Variants in IMPG2 observed in about 807,000 individuals in gnomAD.
The protein encoded by IMPG2 is interphotoreceptor matrix proteoglycan 2.
Under a neutral mutation model 129.2 loss-of-function variants are expected in IMPG2, and 91 were observed. The observed-to-expected ratio is 0.70, with a 90% CI of 0.59 to 0.84. IMPG2 has a LOEUF of 0.84. Among genes scored for constraint, IMPG2 ranks in the 40% least tolerant of loss-of-function variants. The pLI is 0.00. For missense variants in IMPG2, 1,430 were observed against 1,461.7 expected (o/e 0.98, Z 0.35); for synonymous variants, 510 against 517.7 (o/e 0.99, Z 0.20).
intron 8 of IMPG2, 60 bp from the exon 9 acceptor site, chr3:101,267,591 T>C: frequency 7.5e-7 from 1 of 1,332,324 alleles, no homozygotes; most frequent in South Asian, 1.2e-5. Context: ...TGTCACATCA[T>C]TCATCAAAGT....
chr3:101,267,182 T>G (rs940115018), intron 9 of IMPG2, among the ~76,000 whole-genome samples: 2 of 152,224 alleles, frequency 1.3e-5, no homozygotes, highest in African/African-American at 4.8e-5. Flanking sequence ...AACAATATTT[T>G]GTGACATGTG....
intron 15 of IMPG2, 96 bp downstream of exon 15, chr3:101,232,673 TCTATAATGCATA>T: frequency 1.1e-6 from 1 of 912,616 alleles, no homozygotes; most frequent in Non-Finnish European, 1.7e-6. Context: ...AGATATAACT[TCTATAATGCATA>T]CTATAATAAG....
intron 17 of IMPG2, 58 bp downstream of exon 17, chr3:101,229,317 CCTGCT>C: frequency 8.9e-7 from 1 of 1,119,434 alleles, no homozygotes; most frequent in Non-Finnish European, 1.3e-6. Flanking sequence ...CCCACCACCC[CCTGCT>C]CCCCCACACA....
intron 13 of IMPG2, 50 bp downstream of exon 13, chr3:101,243,479 G>T: frequency 6.6e-7 from 1 of 1,521,162 alleles, no homozygotes; most frequent in Non-Finnish European, 9.1e-7. Context: ...AGGAGGAGTC[G>T]GTCATACATG....
At chr3:101,251,113 T>C (rs1706539441) in intron 11 of IMPG2, among the ~76,000 whole-genome samples, 1 of 152,144 alleles carries the variant, frequency 6.6e-6, no homozygotes, top group Non-Finnish European at 1.5e-5. Context: ...GCTTAAGCCC[T>C]TCAAGCCATG....
chr3:101,304,347 T>A (rs144876572), intron 2 of IMPG2, 35 bp from the exon 3 acceptor site: 1 of 1,587,790 alleles, frequency 6.3e-7, no homozygotes, highest in Non-Finnish European at 8.6e-7. Flanking sequence ...TACAAAAAGC[T>A]AACATGCTCT....
intron 11 of IMPG2, among the ~76,000 whole-genome samples, chr3:101,251,627 C>T (rs920436415): frequency 5.9e-5 from 9 of 152,154 alleles, no homozygotes; most frequent in Non-Finnish European, 1.3e-4. Flanking sequence ...AAAGAAAGCA[C>T]ACTGTACAAG....
intron 4 of IMPG2, among the ~76,000 whole-genome samples, chr3:101,278,647 G>C (rs939315903): frequency 6.6e-6 from 1 of 151,858 alleles, no homozygotes; most frequent in African/African-American, 2.4e-5. Context: ...GGGTAAATTA[G>C]GGGCATGTTT....
intron 3 of IMPG2, among the ~76,000 whole-genome samples, chr3:101,296,682 T>A (rs1295508667): frequency 8.3e-6 from 1 of 120,800 alleles, no homozygotes; most frequent in Non-Finnish European, 1.8e-5. Context: ...CGGCTGTGAA[T>A]CCATCTGGTC....
Position 101,232,857 on chromosome 3 carries a change from G to T in IMPG2, c.3157C>A (p.Leu1053Ile). 2 of 1,613,750 alleles carry T rather than the reference G, an allele frequency of 1.2e-6. No homozygotes were observed. The highest frequency in any genetic ancestry group is 1.7e-6 in the Non-Finnish European group (2 of 1,179,990). ...CAGAAGTCAGGCTGTAGGTCACAGA[G>T]ACTCTGACAGGGCCGTTCTTCCACA... ...LSVEERPCQS[L>I]CDLQPDFCLN... The change falls in exon 15 of 19, where the codon CTC becomes ATC. Residue 1053 changes from leucine to isoleucine, a missense_variant. By Grantham distance (5) the Leu-to-Ile change is conservative. Coordinates refer to ENST00000193391, the MANE Select transcript of IMPG2 (RefSeq NM_016247.4).
chr3:101,263,867 A>C (rs1006697698), intron 9 of IMPG2, among the ~76,000 whole-genome samples: 1 of 151,644 alleles, frequency 6.6e-6, no homozygotes, highest in Non-Finnish European at 1.5e-5. Flanking sequence ...CAAAAAAAAA[A>C]AAAAAAGAGA....
chr3:101,230,193 A>G (rs1706271090), intron 16 of IMPG2, among the ~76,000 whole-genome samples: 1 of 152,200 alleles, frequency 6.6e-6, no homozygotes, highest in Non-Finnish European at 1.5e-5. Context: ...TCCAGGACTT[A>G]GCCAAGTTGA....
chr3:101,257,880 G>T, intron 9 of IMPG2, 107 bp from the exon 10 acceptor site: 2 of 1,268,936 alleles, frequency 1.6e-6, no homozygotes, highest in Non-Finnish European at 2.3e-6. Context: ...GAGTCTCAAA[G>T]AGCATGGATT....
intron 3 of IMPG2, among the ~76,000 whole-genome samples, chr3:101,292,277 A>T (rs1270701969): frequency 1.3e-5 from 2 of 152,156 alleles, no homozygotes; most frequent in Non-Finnish European, 2.9e-5. Flanking sequence ...AGCCACTCTC[A>T]TGGTTTCAGT....
intron 14 of IMPG2, among the ~76,000 whole-genome samples, chr3:101,240,275 G>A (rs1224301416): frequency 6.6e-6 from 1 of 151,836 alleles, no homozygotes; most frequent in Non-Finnish European, 1.5e-5. Context: ...ATGCCACAGT[G>A]CCCAGCTAAT....
intron 3 of IMPG2, among the ~76,000 whole-genome samples, chr3:101,300,161 C>T (rs1707124587): frequency 6.6e-6 from 1 of 152,226 alleles, no homozygotes. Flanking sequence ...AAGGTCCGGC[C>T]TGAAGAGGCG....
In IMPG2 at chr3:101,244,409, G is replaced by A. The variant is rs1251779522; in HGVS notation, c.1922C>T (p.Pro641Leu). 1 of 1,614,088 alleles carries A rather than the reference G, an allele frequency of 6.2e-7. No individual in the cohort carries two copies. The highest frequency in any genetic ancestry group is 8.5e-7 in the Non-Finnish European group (1 of 1,180,004). Residue 641 changes from proline (P) to leucine (L), a missense_variant, in exon 13 of 19, where the codon CCA becomes CTA. Pro to Leu is a moderately conservative substitution (Grantham distance 98, BLOSUM62 -3). Coordinates refer to ENST00000193391, the MANE Select transcript of IMPG2 (RefSeq NM_016247.4). The stretch of plus-strand genomic sequence containing the variant: ...TAGTTTCTTGTCTTCAATCTCAGCT[G>A]GCAAAAGTGAATCATCATCTTCAAG... Reference protein sequence around the residue: ...PWLEDDDSLLPAEIEDKKLVL... With the variant: ...PWLEDDDSLLLAEIEDKKLVL...
chr3:101,244,299 C>T lies in IMPG2; in HGVS notation c.2032G>A (p.Glu678Lys), dbSNP rs769914403. 6.2e-7 allele frequency: 1 copy of T among 1,614,030 alleles called. No individual in the cohort carries two copies. Reference sequence around the variant, plus strand: ...GCAGGCCCACTAAGAGGCTCTTCCTCTGGAAAGTGTGTGGATCTGTCATCA... The same window carrying T: ...GCAGGCCCACTAAGAGGCTCTTCCTTTGGAAAGTGTGTGGATCTGTCATCA... ...EHDDRSTHFPEEEPLSGPAVP... is the reference protein window; with the variant it reads ...EHDDRSTHFPKEEPLSGPAVP... Residue 678 changes from glutamate to lysine, a missense_variant, in exon 13 of 19, where the codon GAG becomes AAG. Glu to Lys is a moderately conservative substitution (Grantham distance 56, BLOSUM62 1). Coordinates refer to ENST00000193391, the MANE Select transcript of IMPG2 (RefSeq NM_016247.4).
intron 14 of IMPG2, among the ~76,000 whole-genome samples, chr3:101,239,914 T>G (rs1227713435): frequency 6.6e-6 from 1 of 152,050 alleles, no homozygotes; most frequent in Non-Finnish European, 1.5e-5. Flanking sequence ...CATGGGGGCC[T>G]GTCAGGGGTG....
Sources: allele counts gnomAD v4.1 joint callset (sites outside exome capture counted in the v4.1 genomes callset), GRCh38; gene constraint gnomAD v4.1.1; transcripts MANE v1.5; gene names NCBI Gene and HGNC (gene_info 2026-07-23, HGNC 2026-07-21).